HECTD4: variants seen among roughly 807,000 people sequenced by gnomAD.
HECTD4 encodes HECT domain E3 ubiquitin protein ligase 4, also known as probable E3 ubiquitin-protein ligase HECTD4.
A neutral mutation model predicts 471.5 loss-of-function variants in HECTD4; 114 were observed. The observed-to-expected ratio is 0.24, with a 90% confidence interval of 0.21 to 0.28. The LOEUF (loss-of-function observed/expected upper bound fraction) is 0.28, where lower values mean the gene tolerates loss of function less well. Among genes scored for constraint, HECTD4 ranks in the 10% least tolerant of loss-of-function variants. The probability of loss-of-function intolerance (pLI) is 1.00; values close to 1 mark genes in which losing one functional copy is unlikely to be tolerated. For missense variants in HECTD4, 3,866 were observed against 5,651.5 expected (o/e 0.68, Z 10.13); for synonymous variants, 2,012 against 2,256.0 (o/e 0.89, Z 3.07).
Position 112,216,807 on chromosome 12 carries a change from A to C in HECTD4, c.7351T>G (p.Trp2451Gly). The change falls in exon 47 of 76, where the codon TGG becomes GGG. Residue 2451 changes from tryptophan to glycine, a missense_variant. Physicochemically the swap from Trp to Gly is radical, Grantham distance 184. Around this residue, in one of 16 missense-constraint regions of HECTD4, gnomAD observed 617 missense variants for 915.1 expected, o/e 0.67. Transcript: ENST00000682272. ...AGACAAGTGCCCACTGGATTAGTCC[A>C]AGCCCCATCTCGCTTCTCTGCTTCT... ...TTEAEKRDGAWTNPVGTCLFH... is the reference protein window; with the variant it reads ...TTEAEKRDGAGTNPVGTCLFH... The C allele has an allele frequency of 6.2e-7, 1 of 1,614,004 alleles. No individual in the cohort carries two copies. The highest frequency in any genetic ancestry group is 8.5e-7 in the Non-Finnish European group (1 of 1,179,888).
At chr12:112,371,861 G>A (rs1269400612) in intron 1 of HECTD4, among the ~76,000 whole-genome samples, 2 of 147,594 alleles carry the variant, frequency 1.4e-5, no homozygotes, top group Admixed American at 6.8e-5. Context: ...ACTCCAGACT[G>A]GGCAACAAGA....
rs199577004 is a variant in HECTD4, at chr12:112,213,720, AAT to A, written c.7466-1072_7466-1071del. ...TATACATATATATATATATATATATAATATATATATAAAATTTAAGGCCAGAC... is the reference window on the plus strand; with the variant it reads ...TATACATATATATATATATATATATAATATATATAAAATTTAAGGCCAGAC... On this transcript the variant is annotated intron_variant, in intron 48 of 75. Coordinates refer to ENST00000682272, the MANE Select transcript of HECTD4 (RefSeq NM_001388303.1). This position sits in a 1 kb window ranked among gnomAD's most constrained non-coding sequence, Gnocchi z 4.0. Among the ~76,000 whole-genome samples the A allele has an allele frequency of 7.0e-6, 1 of 143,280 alleles. No individual in the cohort carries two copies. The highest frequency in any genetic ancestry group is 7.1e-5 in the Admixed American group (1 of 14,150). The allele number at this position is 143,280 out of a possible 152,430, so 94.0% of individuals were successfully genotyped here. A position where few individuals can be genotyped will look rare whatever the true frequency, so the allele number is the denominator to read the frequency against.
intron 52 of HECTD4, among the ~76,000 whole-genome samples, chr12:112,207,625 T>C (rs1303337190): frequency 6.8e-6 from 1 of 147,920 alleles, no homozygotes; most frequent in African/African-American, 2.7e-5. Context: ...GACCACAGAG[T>C]TTCCCAGTAT....
intron 1 of HECTD4, among the ~76,000 whole-genome samples, chr12:112,338,361 C>T (rs932473297): frequency 6.6e-6 from 1 of 152,210 alleles, no homozygotes. Flanking sequence ...CAGTGGCTCA[C>T]GCCTGTAGTT....
At chr12:112,255,927 C>T (rs1482088670) in intron 21 of HECTD4, among the ~76,000 whole-genome samples, 1 of 152,168 alleles carries the variant, frequency 6.6e-6, no homozygotes, top group Admixed American at 6.5e-5. Context: ...CCAAAAGATA[C>T]ATGAGAAGCC....
chr12:112,324,029 CCTTCCTT>C (rs2035670513), intron 1 of HECTD4, among the ~76,000 whole-genome samples: 1 of 26,338 alleles, frequency 3.8e-5, no homozygotes. Context: ...TTCCTTCCTT[CCTTCCTT>C]CCTTCCTTCC....
In HECTD4 at chr12:112,167,552, T is replaced by C. The variant is rs774431827; in HGVS notation, c.12313-14A>G. 5.1e-6 allele frequency: 8 copies of C among 1,560,252 alleles called. No individual in the cohort carries two copies. The highest frequency in any genetic ancestry group is 7.0e-6 in the Non-Finnish European group (8 of 1,149,492). On this transcript the variant is annotated splice_polypyrimidine_tract_variant and intron_variant, in intron 71 of 75. Transcript: ENST00000682272. ...GATATACTTGCCCTGGAAGTGGAGG[T>C]GGGCATGAGGTGACCTGGGCGTGGG...
At chr12:112,304,345 C>G (rs2035231868) in intron 7 of HECTD4, among the ~76,000 whole-genome samples, 1 of 149,098 alleles carries the variant, frequency 6.7e-6, no homozygotes, top group South Asian at 2.1e-4. Flanking sequence ...ACCTTCTGGT[C>G]GACCTTCCAG....
chr12:112,302,978 C>CTT lies in HECTD4; in HGVS notation c.1335+3084_1335+3085dup, dbSNP rs3031817. 1.5e-3 allele frequency among the ~76,000 whole-genome samples: 180 copies of CTT among 120,682 alleles called. 1 individual carries two copies. The highest frequency in any genetic ancestry group is 4.9e-3 in the African/African-American group (157 of 32,284). The allele number at this position is 120,682 out of a possible 152,430, so 79.2% of individuals were successfully genotyped here. Reference sequence around the variant, plus strand: ...TGTTTGGGTTTTTATTTTGTCTGCTCTTTTTTTTTTTTTTTTTTTTTAACA... The same window carrying CTT: ...TGTTTGGGTTTTTATTTTGTCTGCTCTTTTTTTTTTTTTTTTTTTTTTTAACA... On this transcript the variant is annotated intron_variant, in intron 7 of 75. Transcript: ENST00000682272.
chr12:112,292,277 G>A (rs1594016296), intron 7 of HECTD4, among the ~76,000 whole-genome samples: 2 of 152,106 alleles, frequency 1.3e-5, no homozygotes, highest in East Asian at 1.9e-4. Flanking sequence ...ATGCTCTTCT[G>A]CCAGATCTTT....
In HECTD4 at chr12:112,228,383, C is replaced by T. The variant is rs1301612688; in HGVS notation, c.6685-125G>A. The T allele has an allele frequency of 9.5e-7, 1 of 1,055,392 alleles. No homozygotes were observed. Among genetic ancestry groups the T allele is most frequent in the Non-Finnish European group, 1.3e-6 (1 of 774,846 alleles). The allele number at this position is 1,055,392 out of a possible 1,614,324, so 65.4% of individuals were successfully genotyped here. The stretch of plus-strand genomic sequence containing the variant: ...CAGTTAAAAAAATAAAATCACCATA[C>T]AGAAAACTACAAACCACATCAAAAC... On this transcript the variant is annotated intron_variant, in intron 42 of 75. Coordinates refer to ENST00000682272, the MANE Select transcript of HECTD4 (RefSeq NM_001388303.1). This position sits in a 1 kb window ranked among gnomAD's most constrained non-coding sequence, Gnocchi z 4.9.
At chr12:112,200,856 C>A (rs976657436) in intron 54 of HECTD4, 58 bp from the exon 55 acceptor site, 14 of 1,484,314 alleles carry the variant, frequency 9.4e-6, no homozygotes, top group Non-Finnish European at 1.3e-5. Context: ...TCCATGTGTG[C>A]GTGCGTGCGT....
rs962785572 is a variant in HECTD4, at chr12:112,269,742, A to C, written c.2283T>G (p.Ile761Met). ...AGACTTCCTTCTGAATTTCAGGGCAAATTTGATCTTTTGGAGCCATCAACA... is the reference window on the plus strand; with the variant it reads ...AGACTTCCTTCTGAATTTCAGGGCACATTTGATCTTTTGGAGCCATCAACA... The part of the protein sequence containing the change: ...WQLLMAPKDQ[I>M]CPEIQKEVCL... Residue 761 changes from isoleucine (I) to methionine (M), a missense_variant, in exon 13 of 76, where the codon ATT becomes ATG. Around this residue, in one of 16 missense-constraint regions of HECTD4, gnomAD observed 525 missense variants for 672.6 expected, o/e 0.78. Coordinates refer to ENST00000682272, the MANE Select transcript of HECTD4 (RefSeq NM_001388303.1). 1.2e-6 allele frequency: 2 copies of C among 1,613,896 alleles called. No homozygotes were observed.
rs527489253 is a variant in HECTD4 at position 112,236,889 on chromosome 12, A to T, written c.5444+56T>A. On this transcript the variant is annotated intron_variant, in intron 35 of 75. Transcript: ENST00000682272. Reference sequence around the variant, plus strand: ...GACAACCACCACCAAAAGAAACCCCAATCGTTCAAGAGGAAAGCCAGCTTC... The same window carrying T: ...GACAACCACCACCAAAAGAAACCCCTATCGTTCAAGAGGAAAGCCAGCTTC... 63 of 1,443,974 alleles carry T rather than the reference A, an allele frequency of 4.4e-5. No homozygotes were observed. In the African/African-American group the frequency reaches 8.7e-4, roughly 20 times the overall value. The allele number at this position is 1,443,974 out of a possible 1,614,324, so 89.4% of individuals were successfully genotyped here.
intron 7 of HECTD4, among the ~76,000 whole-genome samples, chr12:112,305,705 T>C (rs1364901302): frequency 6.6e-6 from 1 of 152,102 alleles, no homozygotes; most frequent in Non-Finnish European, 1.5e-5. Flanking sequence ...CATGTCACAA[T>C]GTTGTTATCT....
chr12:112,219,623 A>C (rs1238766451), intron 44 of HECTD4, 134 bp from the exon 45 acceptor site: 2 of 571,898 alleles, frequency 3.5e-6, no homozygotes, highest in African/African-American at 3.9e-5. Flanking sequence ...TTTTTGAGAC[A>C]GAGTTTCGTT....
chr12:112,302,307 C>A, intron 7 of HECTD4: 1 of 772,604 alleles, frequency 1.3e-6, no homozygotes, highest in East Asian at 2.5e-5. Context: ...TTGCCAGCAG[C>A]TTTCTTCTCA....
rs186870793 is a variant in HECTD4, at chr12:112,222,821, G to A, written c.6971-3332C>T. On this transcript the variant is annotated intron_variant, in intron 44 of 75. Coordinates refer to ENST00000682272, the MANE Select transcript of HECTD4 (RefSeq NM_001388303.1). ...TGCACTCCAGCCTGGGTGACAGAGCGAAACCCTGTCTCAAAAAACAAAAAC... is the reference window on the plus strand; with the variant it reads ...TGCACTCCAGCCTGGGTGACAGAGCAAAACCCTGTCTCAAAAAACAAAAAC... 1.5e-3 allele frequency among the ~76,000 whole-genome samples: 231 copies of A among 152,192 alleles called. 1 individual carries two copies. The highest frequency in any genetic ancestry group is 2.9e-3 in the Non-Finnish European group (195 of 68,016).
intron 9 of HECTD4, among the ~76,000 whole-genome samples, chr12:112,275,168 C>T (rs2034500610): frequency 6.6e-6 from 1 of 152,190 alleles, no homozygotes; most frequent in African/African-American, 2.4e-5. Flanking sequence ...AAATTTAATA[C>T]CGAACCATAG....
Sources: allele counts gnomAD v4.1 joint callset (sites outside exome capture counted in the v4.1 genomes callset), GRCh38; gene constraint gnomAD v4.1.1; regional missense constraint gnomAD v4.1.1; non-coding constraint Gnocchi (gnomAD v3.1); transcripts MANE v1.5; gene names NCBI Gene and HGNC (gene_info 2026-07-23, HGNC 2026-07-21).